The following HEATR4 variants were observed in gnomAD, a reference collection of about 807,000 sequenced individuals.
The protein encoded by HEATR4 is HEAT repeat-containing protein 4.
HEATR4 carries 95 observed loss-of-function variants against 108.8 expected under a neutral mutation model. The ratio of observed to expected loss-of-function variants is 0.87; its 90% CI spans 0.74 to 1.04. HEATR4 has a LOEUF of 1.04. Among genes scored for constraint, HEATR4 ranks in the 50% least tolerant of loss-of-function variants. The probability of loss-of-function intolerance (pLI) is 0.00; values close to 1 mark genes in which losing one functional copy is unlikely to be tolerated. For missense variants in HEATR4, 1,152 were observed against 1,253.8 expected (o/e 0.92, Z 1.23); for synonymous variants, 443 against 459.4 (o/e 0.96, Z 0.46).
In HEATR4 at chr14:73,492,628, C is replaced by CGG; in HGVS notation, c.2844+437_2844+438insCC. The CGG allele has an allele frequency of 6.2e-7, 1 of 1,613,976 alleles. No homozygotes were observed. Among genetic ancestry groups the CGG allele is most frequent in the East Asian group, 2.2e-5 (1 of 44,888 alleles). ...GCTGGGAGGCTGGAGAACCTGTAAA[C>CGG]GTGGGGGCCCAGTTGACAACAGAAA... is the stretch of plus-strand genomic sequence containing the variant. On this transcript the variant is annotated intron_variant, in intron 17 of 17. Transcript: ENST00000553558. This position sits in a 1 kb window ranked among gnomAD's most constrained non-coding sequence, Gnocchi z 4.9.
chr14:73,491,071 C>T (rs1408439577), intron 17 of HEATR4: 3 of 1,595,396 alleles, frequency 1.9e-6, no homozygotes, highest in Middle Eastern at 1.7e-4. Context: ...GGCCGAAGCG[C>T]CGGCGCAAGC....
the HEATR4 span, among the ~76,000 whole-genome samples, chr14:73,625,981 T>G: frequency 6.6e-6 from 1 of 152,252 alleles, no homozygotes; most frequent in Non-Finnish European, 1.5e-5. Context: ...CAAGATAGGC[T>G]GAAAGCCAGG....
chr14:73,501,780 G>A (rs1315586754), intron 11 of HEATR4, among the ~76,000 whole-genome samples: 1 of 151,530 alleles, frequency 6.6e-6, no homozygotes, highest in Non-Finnish European at 1.5e-5. Flanking sequence ...TTGAGACGGA[G>A]TCTCACTCTG....
chr14:73,502,235 C>T (rs1247664131), intron 11 of HEATR4, among the ~76,000 whole-genome samples: 1 of 151,992 alleles, frequency 6.6e-6, no homozygotes, highest in Non-Finnish European at 1.5e-5. Context: ...CTTGGCCTTA[C>T]TCCTCTAGCC....
At chr14:73,573,725 T>C in the HEATR4 span, 1 of 1,076,176 alleles carries the variant, frequency 9.3e-7, no homozygotes. Context: ...TAGTCACTTC[T>C]TATAGACAGT....
intron 1 of HEATR4, chr14:73,539,181 T>A (rs1311802959): frequency 2.6e-5 from 3 of 114,210 alleles, no homozygotes; most frequent in Non-Finnish European, 5.7e-5. Flanking sequence ...CGCCCACCAT[T>A]GCTCCAGCTG....
intron 6 of HEATR4, 32 bp from the exon 7 acceptor site, chr14:73,512,181 C>T (rs746029468): frequency 6.2e-7 from 1 of 1,612,836 alleles, no homozygotes; most frequent in South Asian, 1.1e-5. Context: ...GAAAAGAGAA[C>T]CACCTGGTTA....
chr14:73,551,683 C>T (rs1428021034), intron 1 of HEATR4, among the ~76,000 whole-genome samples: 1 of 111,182 alleles, frequency 9.0e-6, no homozygotes, highest in African/African-American at 2.9e-5. Context: ...TGGTGCGCAC[C>T]TGTAGTCCCA....
chr14:73,615,644 C>G, the HEATR4 span, among the ~76,000 whole-genome samples: 1 of 151,602 alleles, frequency 6.6e-6, no homozygotes, highest in Non-Finnish European at 1.5e-5. Flanking sequence ...GCAGGAGAAT[C>G]GCTTGAACCC....
Position 73,537,909 on chromosome 14 carries a change from G to A in HEATR4, c.-151-7665C>T. Reference sequence around the variant, plus strand: ...TCACCTCCGCTAATTGTTCCCCTCTGCCCATCCCTGTTCCTGCGCTTTCCA... The same window carrying A: ...TCACCTCCGCTAATTGTTCCCCTCTACCCATCCCTGTTCCTGCGCTTTCCA... On this transcript the variant is annotated intron_variant, in intron 1 of 17. Transcript: ENST00000553558. The A allele has an allele frequency of 1.7e-6, 2 of 1,161,450 alleles. 1 individual carries two copies. The highest frequency in any genetic ancestry group is 2.2e-6 in the Non-Finnish European group (2 of 901,918). The allele number at this position is 1,161,450 out of a possible 1,614,324, so 71.9% of individuals were successfully genotyped here.
chr14:73,590,071 A>C, the HEATR4 span, among the ~76,000 whole-genome samples: 3 of 151,994 alleles, frequency 2.0e-5, no homozygotes, highest in African/African-American at 7.3e-5. Context: ...AATAGAACAA[A>C]CCTTCCCGCA....
At chr14:73,586,877 T>C in the HEATR4 span, among the ~76,000 whole-genome samples, 43 of 152,180 alleles carry the variant, frequency 2.8e-4, no homozygotes, top group African/African-American at 1.0e-3. Context: ...CACACCTGGC[T>C]AATTTTTTGT....
At chr14:73,560,640 C>T (rs1420464356), upstream of HEATR4, among the ~76,000 whole-genome samples, 393 of 143,398 alleles carry the variant, frequency 2.7e-3, 2 homozygotes, top group African/African-American at 9.3e-3. Context: ...CCAGCCTGGG[C>T]GACAGAGCAA....
intron 1 of HEATR4, among the ~76,000 whole-genome samples, chr14:73,538,967 TAAAACA>T (rs1002008696): frequency 8.7e-6 from 1 of 115,284 alleles, no homozygotes; most frequent in African/African-American, 2.8e-5. Context: ...AAACTCCATC[TAAAACA>T]AAAACAAAAA....
the HEATR4 span, among the ~76,000 whole-genome samples, chr14:73,590,598 G>T: frequency 6.6e-6 from 1 of 152,210 alleles, no homozygotes; most frequent in African/African-American, 2.4e-5. Flanking sequence ...CAGGCATGGC[G>T]GGCTGCAGGT....
chr14:73,573,256 T>G, the HEATR4 span: 2 of 1,357,174 alleles, frequency 1.5e-6, no homozygotes, highest in Non-Finnish European at 2.1e-6. Flanking sequence ...CGAACAGGTT[T>G]TCATTTCTCG....
intron 7 of HEATR4, among the ~76,000 whole-genome samples, chr14:73,509,866 A>ATATTTATATATTTATTTATT (rs1887124392): frequency 3.0e-5 from 2 of 67,512 alleles, no homozygotes; most frequent in African/African-American, 1.3e-4. Flanking sequence ...ATATATATAT[A>ATATTTATATATTTATTTATT]TATTTATTTA....
intron 7 of HEATR4, among the ~76,000 whole-genome samples, chr14:73,509,883 A>T (rs1887132012): frequency 8.4e-6 from 1 of 119,158 alleles, no homozygotes; most frequent in Non-Finnish European, 1.7e-5. Flanking sequence ...TTTATTTTAT[A>T]TATTTTTTGA....
chr14:73,524,017 G>A (rs1888140532), intron 2 of HEATR4, among the ~76,000 whole-genome samples: 2 of 151,970 alleles, frequency 1.3e-5, no homozygotes, highest in Non-Finnish European at 2.9e-5. Context: ...TAGGCCGGGC[G>A]CAGTGGCTCA....
Sources: gnomAD v4.1 joint callset for allele counts (sites outside exome capture counted in the v4.1 genomes callset) on GRCh38, gnomAD v4.1.1 for gene constraint, Gnocchi (gnomAD v3.1) non-coding constraint, MANE v1.5 for transcripts, NCBI Gene and HGNC (gene_info 2026-07-23, HGNC 2026-07-21) for gene names.